The following ZBTB38 variants were observed in gnomAD, a reference collection of about 807,000 sequenced individuals.
ZBTB38 encodes zinc finger and BTB domain-containing protein 38.
In ZBTB38, 20 loss-of-function variants were observed where a neutral mutation model predicts 76.8. The observed-to-expected ratio is 0.26, with a 90% confidence interval of 0.18 to 0.38. The LOEUF (loss-of-function observed/expected upper bound fraction) is 0.38. Ranked by LOEUF, ZBTB38 falls within the 10% of genes least tolerant of loss-of-function variation. ZBTB38 has a pLI of 1.00. For missense variants in ZBTB38, 1,082 were observed against 1,482.3 expected (o/e 0.73, Z 4.43); for synonymous variants, 504 against 544.2 (o/e 0.93, Z 1.03).
chr3:141,414,588 G>A (rs543644296), intron 5 of ZBTB38, among the ~76,000 whole-genome samples: 4 of 152,236 alleles, frequency 2.6e-5, no homozygotes, highest in Non-Finnish European at 4.4e-5. Context: ...GAGCAGCCCT[G>A]ACTAAGTTGC....
intron 5 of ZBTB38, among the ~76,000 whole-genome samples, chr3:141,430,190 C>T (rs190560487): frequency 6.6e-6 from 1 of 152,104 alleles, no homozygotes; most frequent in Admixed American, 6.5e-5. Context: ...CTCAGCCTCC[C>T]GAGTAGCTGG....
At position 141,351,424 on chromosome 3, in the gene ZBTB38, G is replaced by A. The variant is rs553095146; in HGVS notation, c.-738-17197G>A. On this transcript the variant is annotated intron_variant, in intron 1 of 7. Transcript: ENST00000509842. ...AAATTATCAATACTTTTCTTTAATA[G>A]TACAAAAACATATATCAGACCAGGC... 1.7e-4 allele frequency among the ~76,000 whole-genome samples: 26 copies of A among 152,120 alleles called. No homozygotes were observed. The South Asian group carries it at 3.1e-3, about 18-fold the overall frequency.
At chr3:141,430,265 C>T (rs921615901) in intron 5 of ZBTB38, among the ~76,000 whole-genome samples, 2 of 151,988 alleles carry the variant, frequency 1.3e-5, no homozygotes, top group Non-Finnish European at 2.9e-5. Flanking sequence ...TGGGGTTTTG[C>T]CATGTTGGTC....
intron 1 of ZBTB38, among the ~76,000 whole-genome samples, chr3:141,330,703 C>A (rs761047693): frequency 3.9e-5 from 6 of 152,186 alleles, no homozygotes; most frequent in Non-Finnish European, 8.8e-5. Flanking sequence ...AGAGGTGAGG[C>A]CTTTAAGAGT....
intron 1 of ZBTB38, among the ~76,000 whole-genome samples, chr3:141,336,900 T>C (rs1024624770): frequency 3.3e-5 from 5 of 152,224 alleles, no homozygotes; most frequent in Non-Finnish European, 7.3e-5. Flanking sequence ...CATTTGAGAA[T>C]CACTAGGCAG....
chr3:141,331,448 C>G (rs1250229680), intron 1 of ZBTB38, among the ~76,000 whole-genome samples: 1 of 152,242 alleles, frequency 6.6e-6, no homozygotes. Context: ...ACACTGTCGT[C>G]CCCATGGAAG....
intron 1 of ZBTB38, among the ~76,000 whole-genome samples, chr3:141,360,093 T>G (rs1305006910): frequency 6.6e-6 from 1 of 152,126 alleles, no homozygotes; most frequent in Non-Finnish European, 1.5e-5. Flanking sequence ...CTTACTAATT[T>G]CTAGTTAGAC....
At chr3:141,377,727 G>A (rs910121011) in intron 2 of ZBTB38, among the ~76,000 whole-genome samples, 1 of 152,160 alleles carries the variant, frequency 6.6e-6, no homozygotes, top group African/African-American at 2.4e-5. Flanking sequence ...AAGTTAGTGG[G>A]TAACACACTG....
intron 5 of ZBTB38, among the ~76,000 whole-genome samples, chr3:141,432,614 G>T (rs56339671): frequency 3.9e-5 from 6 of 152,100 alleles, no homozygotes; most frequent in Non-Finnish European, 5.9e-5. Context: ...TGCATAATAG[G>T]TGCATTAGTT....
At chr3:141,427,338 A>G (rs1231679628) in intron 5 of ZBTB38, among the ~76,000 whole-genome samples, 1 of 152,186 alleles carries the variant, frequency 6.6e-6, no homozygotes, top group Non-Finnish European at 1.5e-5. Flanking sequence ...AAGTATGCTA[A>G]AAAATATATA....
At chr3:141,403,126 C>T (rs1470428812) in intron 4 of ZBTB38, 10 of 152,180 alleles carry the variant, frequency 6.6e-5, no homozygotes, top group Non-Finnish European at 1.0e-4. Context: ...TCCGCGGTTC[C>T]ACTTTATAAC....
intron 1 of ZBTB38, among the ~76,000 whole-genome samples, chr3:141,355,362 T>G (rs1239058655): frequency 6.6e-6 from 1 of 152,152 alleles, no homozygotes; most frequent in Non-Finnish European, 1.5e-5. Context: ...TCCATGGGCA[T>G]GTACAGGAGC....
At chr3:141,333,832 C>T (rs1234353237) in intron 1 of ZBTB38, among the ~76,000 whole-genome samples, 1 of 152,172 alleles carries the variant, frequency 6.6e-6, no homozygotes, top group Non-Finnish European at 1.5e-5. Context: ...ATTGTAAGTT[C>T]TTGCTTCCTC....
chr3:141,384,466 T>G (rs1383041021), intron 3 of ZBTB38, among the ~76,000 whole-genome samples: 2 of 152,264 alleles, frequency 1.3e-5, no homozygotes, highest in African/African-American at 4.8e-5. Flanking sequence ...GCGAGTATTT[T>G]TAAATGAATG....
chr3:141,429,802 G>A (rs1047489676), intron 5 of ZBTB38, among the ~76,000 whole-genome samples: 3 of 152,216 alleles, frequency 2.0e-5, no homozygotes, highest in East Asian at 1.9e-4. Flanking sequence ...GGGCAGTGCC[G>A]GAACCGTGTG....
chr3:141,366,815 T>C (rs186121240), upstream of ZBTB38: 8 of 152,246 alleles, frequency 5.3e-5, no homozygotes, highest in Admixed American at 5.2e-4. Flanking sequence ...AGACATTTAC[T>C]CTAAGAGAAT....
chr3:141,337,198 G>T (rs1444937686), intron 1 of ZBTB38, among the ~76,000 whole-genome samples: 1 of 152,182 alleles, frequency 6.6e-6, no homozygotes, highest in Non-Finnish European at 1.5e-5. Context: ...AGTGTTGTTG[G>T]TGTGTGTTTG....
At chr3:141,432,681 A>T (rs754146349) in intron 5 of ZBTB38, among the ~76,000 whole-genome samples, 14 of 152,370 alleles carry the variant, frequency 9.2e-5, no homozygotes, top group Non-Finnish European at 1.5e-4. Flanking sequence ...TAGAGTTTAT[A>T]TGGAAACTAT....
intron 2 of ZBTB38, among the ~76,000 whole-genome samples, chr3:141,373,296 G>A (rs2149055742): frequency 6.6e-6 from 1 of 152,194 alleles, no homozygotes; most frequent in East Asian, 1.9e-4. Flanking sequence ...ATTTCACATG[G>A]GAGTAATAAT....
Sources: gnomAD v4.1 joint callset for allele counts (sites outside exome capture counted in the v4.1 genomes callset) on GRCh38, gnomAD v4.1.1 for gene constraint, MANE v1.5 for transcripts, NCBI Gene and HGNC (gene_info 2026-07-23, HGNC 2026-07-21) for gene names.